Variants in KDM3A observed in about 807,000 individuals in gnomAD.
KDM3A encodes lysine demethylase 3A.
KDM3A carries 60 observed loss-of-function variants against 158.0 expected under a neutral mutation model. The observed-to-expected ratio is 0.38, with a 90% CI of 0.31 to 0.47. The LOEUF is 0.47. Among genes scored for constraint, KDM3A ranks in the 20% least tolerant of loss-of-function variants. KDM3A has a pLI of 0.99. For missense variants in KDM3A, 1,319 were observed against 1,574.3 expected, an observed-to-expected ratio of 0.84 and a Z score of 2.74; for synonymous variants, 608 against 549.3, an observed-to-expected ratio of 1.11 and a Z score of -1.49.
At chr2:86,444,154 A>C (rs1055297091) in intron 2 of KDM3A, among the ~76,000 whole-genome samples, 1 of 152,144 alleles carries the variant, frequency 6.6e-6, no homozygotes, top group Non-Finnish European at 1.5e-5. Flanking sequence ...GGAGGTGGTG[A>C]TATCTTCATT....
In KDM3A at chr2:86,466,475, A is replaced by C; in HGVS notation, c.1111A>C (p.Lys371Gln). The C allele has an allele frequency of 6.2e-7, 1 of 1,613,918 alleles. No homozygotes were observed. The highest frequency in any genetic ancestry group is 8.5e-7 in the Non-Finnish European group (1 of 1,179,830). ...TGTCTGCAAAGCAGGGTTGCTCTCA[A>C]AGTCCTCTCAGATTGGAACTGGAGA... ...PDVCKAGLLS[K>Q]SSQIGTGDLK... The change falls in exon 10 of 26, where the codon AAG (lysine) becomes CAG (glutamine). Residue 371 changes from lysine (K) to glutamine (Q), a missense_variant. Coordinates refer to ENST00000312912, the MANE Select transcript of KDM3A (RefSeq NM_018433.6).
At chr2:86,457,374 A>C (rs1380390445) in intron 8 of KDM3A, among the ~76,000 whole-genome samples, 2 of 151,934 alleles carry the variant, frequency 1.3e-5, no homozygotes, top group African/African-American at 4.8e-5. Flanking sequence ...GGCTCAAGCG[A>C]TCCTCCCGCC....
At chr2:86,450,172 G>A (rs1470360818) in intron 3 of KDM3A, among the ~76,000 whole-genome samples, 1 of 152,152 alleles carries the variant, frequency 6.6e-6, no homozygotes, top group Non-Finnish European at 1.5e-5. Flanking sequence ...AGGTAGTAGT[G>A]GGAATGTCTA....
chr2:86,491,432 A>C (rs991038884), intron 25 of KDM3A, 157 bp downstream of exon 25: 1 of 672,618 alleles, frequency 1.5e-6, no homozygotes, highest in Non-Finnish European at 2.5e-6. Flanking sequence ...CTATCTACTT[A>C]AGTGAGGGAG....
rs540712988 is a variant in KDM3A at position 86,481,497 on chromosome 2, G to GT, written c.2513-420dup. 7.2e-3 allele frequency among the ~76,000 whole-genome samples: 994 copies of GT among 137,674 alleles called. 10 individuals are homozygous for GT. Among genetic ancestry groups the GT allele is most frequent in the East Asian group, 0.052 (250 of 4,836 alleles). 90.3% of individuals were successfully genotyped at this position (137,674 alleles called of 152,430 possible). A position where few individuals can be genotyped will look rare whatever the true frequency, so the allele number is the denominator to read the frequency against. ...TTGAGGTTTTTGTTTGTTTGGTTTT[G>GT]TTTTTTTTTTTTTAAACAGTTTCTG... On this transcript the variant is annotated intron_variant, in intron 16 of 25. Transcript: ENST00000312912.
intron 16 of KDM3A, among the ~76,000 whole-genome samples, chr2:86,480,891 T>C (rs1455460171): frequency 6.6e-6 from 1 of 152,248 alleles, no homozygotes; most frequent in African/African-American, 2.4e-5. Context: ...GCCCTCTCTT[T>C]ACATGTGATG....
Position 86,466,893 on chromosome 2 carries a change from T to C in KDM3A, c.1519+10T>C. 1 of 1,570,050 alleles carries C rather than the reference T, an allele frequency of 6.4e-7. No homozygotes were observed. The highest frequency in any genetic ancestry group is 8.6e-7 in the Non-Finnish European group (1 of 1,159,840). On this transcript the variant is annotated intron_variant, in intron 10 of 25. Coordinates refer to ENST00000312912, the MANE Select transcript of KDM3A (RefSeq NM_018433.6). ...AATAAAATCCAGAATGGTGAGTGTT[T>C]CTCAATATCTTTATTGGTAGAAGGT...
chr2:86,492,008 A>G (rs766205357), intron 25 of KDM3A, 31 bp from the exon 26 acceptor site: 1 of 1,425,396 alleles, frequency 7.0e-7, no homozygotes, highest in South Asian at 1.2e-5. Context: ...TTTAAATGTA[A>G]AATGCCCATA....
chr2:86,439,946 C>G (rs1234045517), upstream of KDM3A, among the ~76,000 whole-genome samples: 3 of 152,148 alleles, frequency 2.0e-5, no homozygotes, highest in Non-Finnish European at 4.4e-5. Context: ...CAATTTATAG[C>G]TGGATTGTCC....
chr2:86,490,309 AT>A (rs1282624388), intron 23 of KDM3A: 1 of 152,748 alleles, frequency 6.5e-6, no homozygotes, highest in Admixed American at 6.5e-5. Flanking sequence ...GGATATGAAC[AT>A]TCGTAACCTG....
chr2:86,467,184 A>G (rs573433162), intron 10 of KDM3A, among the ~76,000 whole-genome samples: 237 of 152,288 alleles, frequency 1.6e-3, no homozygotes, highest in African/African-American at 5.5e-3. Context: ...CAAGGATTCC[A>G]TTATGTTCAT....
chr2:86,466,304 T>C, intron 9 of KDM3A, 68 bp from the exon 10 acceptor site: 1 of 1,463,888 alleles, frequency 6.8e-7, no homozygotes, highest in Non-Finnish European at 9.2e-7. Context: ...CCAAACAGTT[T>C]GTTTGGGGAA....
chr2:86,483,752 T>C (rs1196640383), intron 18 of KDM3A: 2 of 347,088 alleles, frequency 5.8e-6, no homozygotes, highest in Non-Finnish European at 1.1e-5. Flanking sequence ...AGGTGATCCT[T>C]TCTCCTAGAT....
intron 9 of KDM3A, 134 bp downstream of exon 9, chr2:86,464,350 T>C (rs1442720182): frequency 1.7e-6 from 1 of 590,050 alleles, no homozygotes; most frequent in Non-Finnish European, 2.8e-6. Flanking sequence ...ATAGATGCTT[T>C]TGAAGGTGAA....
In KDM3A at chr2:86,485,763, G is replaced by C; in HGVS notation, c.3217G>C (p.Glu1073Gln). 2 of 1,614,074 alleles carry C rather than the reference G, an allele frequency of 1.2e-6. No homozygotes were observed. Among genetic ancestry groups the C allele is most frequent in the South Asian group, 2.2e-5 (2 of 91,076 alleles). ...TCTGATGGCCAACATTCCACTGCCC[G>C]AGTACACAAGGCGAGATGGCAAACT... Reference protein sequence around the residue: ...DDLMANIPLPEYTRRDGKLNL... With the variant: ...DDLMANIPLPQYTRRDGKLNL... The change falls in exon 21 of 26, where the codon GAG becomes CAG. Residue 1073 changes from glutamate (E) to glutamine (Q), a missense_variant. Around this residue, in one of 4 missense-constraint regions of KDM3A, gnomAD observed 186 missense variants for 340.9 expected, o/e 0.55. Transcript: ENST00000312912.
In KDM3A at chr2:86,451,056, T is replaced by C. The variant is rs550700879; in HGVS notation, c.343-47T>C. On this transcript the variant is annotated intron_variant, in intron 3 of 25. Transcript: ENST00000312912. Reference sequence around the variant, plus strand: ...AAATTGCCAGTTCCTATTTTCAGAATTATGCTGACAGCAGTTATGATGCTA... The same window carrying C: ...AAATTGCCAGTTCCTATTTTCAGAACTATGCTGACAGCAGTTATGATGCTA... 3.9e-6 allele frequency: 5 copies of C among 1,290,780 alleles called. No individual in the cohort carries two copies. In the East Asian group the frequency reaches 7.1e-5, roughly 18 times the overall value. 80.0% of individuals were successfully genotyped at this position (1,290,780 alleles called of 1,614,324 possible).
In KDM3A at chr2:86,484,285, T is replaced by A. The variant is rs1001987721; in HGVS notation, c.3094+127T>A. On this transcript the variant is annotated intron_variant, in intron 19 of 25. Coordinates refer to ENST00000312912, the MANE Select transcript of KDM3A (RefSeq NM_018433.6). ...AGGATTTTGGAGTTTAAAATTAACG[T>A]CTCTCCTCCCCTTCCTTGTTACAAT... 1.3e-4 allele frequency: 92 copies of A among 722,948 alleles called. 1 individual carries two copies. In the Admixed American group the frequency reaches 2.4e-3, roughly 19 times the overall value. The allele number at this position is 722,948 out of a possible 1,614,324, so 44.8% of individuals were successfully genotyped here.
At chr2:86,445,591 G>A (rs1193239555) in intron 2 of KDM3A, among the ~76,000 whole-genome samples, 2 of 152,036 alleles carry the variant, frequency 1.3e-5, no homozygotes, top group Non-Finnish European at 2.9e-5. Flanking sequence ...CCTTACAGGT[G>A]TCCTTAGCAG....
Position 86,449,217 on chromosome 2 carries a change from T to C in KDM3A, c.187-590T>C, listed in dbSNP as rs888189147. On this transcript the variant is annotated intron_variant, in intron 2 of 25. Transcript: ENST00000312912. ...TGTGGTCATTTTGTTAATCACTCGT[T>C]TCTATGTTATCCAACAAGTAGTTTA... 5.9e-5 allele frequency among the ~76,000 whole-genome samples: 9 copies of C among 152,228 alleles called. No individual in the cohort carries two copies. The East Asian group carries it at 1.7e-3, about 29-fold the overall frequency.
Sources: gnomAD v4.1 joint callset for allele counts (sites outside exome capture counted in the v4.1 genomes callset) on GRCh38, gnomAD v4.1.1 for gene constraint, gnomAD v4.1.1 regional missense constraint, MANE v1.5 for transcripts, NCBI Gene and HGNC (gene_info 2026-07-23, HGNC 2026-07-21) for gene names.